PRSS23: variants seen among roughly 807,000 people sequenced by gnomAD.
PRSS23 encodes the protein serine protease 23.
PRSS23 carries 25 observed loss-of-function variants against 34.7 expected under a neutral mutation model. The ratio of observed to expected loss-of-function variants is 0.72; its 90% CI spans 0.53 to 1.01. PRSS23 has a LOEUF of 1.01. Among genes scored for constraint, PRSS23 ranks in the 50% least tolerant of loss-of-function variants. PRSS23 has a pLI of 0.00. For synonymous variants in PRSS23, 176 were observed against 186.6 expected (o/e 0.94, Z 0.46); for missense variants, 445 against 475.6 (o/e 0.94, Z 0.60).
intron 2 of PRSS23, among the ~76,000 whole-genome samples, chr11:86,871,642 A>G (rs1948684904): frequency 6.6e-6 from 1 of 152,144 alleles, no homozygotes; most frequent in African/African-American, 2.4e-5. Flanking sequence ...AAGCCTCACA[A>G]TCGTGTGACT....
chr11:86,812,744 TGCCACTGCACTCCA>T (rs1948187816), downstream of PRSS23, among the ~76,000 whole-genome samples: 2 of 143,906 alleles, frequency 1.4e-5, no homozygotes, highest in South Asian at 4.4e-4. Flanking sequence ...GCCAAAATTA[TGCCACTGCACTCCA>T]GCCTAGGCAA....
At chr11:86,815,539 T>C (rs146118414), downstream of PRSS23, among the ~76,000 whole-genome samples, 4 of 152,334 alleles carry the variant, frequency 2.6e-5, no homozygotes, top group East Asian at 7.7e-4. Flanking sequence ...TCCAAACACA[T>C]CCCAGAATAA....
At chr11:86,908,634 C>T (rs1948958595) in intron 2 of PRSS23, among the ~76,000 whole-genome samples, 2 of 151,956 alleles carry the variant, frequency 1.3e-5, no homozygotes, top group Admixed American at 1.3e-4. Flanking sequence ...ATAGTAATTA[C>T]AGAAACTTTG....
chr11:86,850,373 A>ACTCAG (rs1252631380), intron 2 of PRSS23, among the ~76,000 whole-genome samples: 1 of 151,742 alleles, frequency 6.6e-6, no homozygotes, highest in Non-Finnish European at 1.5e-5. Flanking sequence ...AAGAACCACC[A>ACTCAG]CTCAGCTCCC....
intron 2 of PRSS23, chr11:86,949,152 C>T (rs547098195): frequency 1.3e-5 from 2 of 152,282 alleles, no homozygotes; most frequent in African/African-American, 4.8e-5. Flanking sequence ...CAGGGGCCAC[C>T]TGTGCCCACT....
chr11:86,826,900 T>G (rs1361770087), intron 2 of PRSS23, among the ~76,000 whole-genome samples: 1 of 152,206 alleles, frequency 6.6e-6, no homozygotes, highest in Non-Finnish European at 1.5e-5. Flanking sequence ...TTTGCCAGTA[T>G]TTTATTGAGG....
intron 2 of PRSS23, chr11:86,832,531 T>A: frequency 6.1e-6 from 2 of 328,548 alleles, no homozygotes; most frequent in Admixed American, 3.5e-5. Context: ...GAGATTAAAC[T>A]GTTCTGCCAT....
intron 2 of PRSS23, among the ~76,000 whole-genome samples, chr11:86,899,049 T>C (rs1020840508): frequency 6.6e-6 from 1 of 152,126 alleles, no homozygotes; most frequent in African/African-American, 2.4e-5. Flanking sequence ...CCTGCCACCA[T>C]GTTCATAGGG....
intron 2 of PRSS23, among the ~76,000 whole-genome samples, chr11:86,943,006 A>C (rs1263265567): frequency 6.6e-6 from 1 of 152,248 alleles, no homozygotes; most frequent in Non-Finnish European, 1.5e-5. Context: ...ATTGCATGTG[A>C]AAGCTAAAAT....
At chr11:86,816,653 C>T (rs1395474395) in intron 1 of PRSS23, among the ~76,000 whole-genome samples, 10 of 152,186 alleles carry the variant, frequency 6.6e-5, no homozygotes, top group African/African-American at 2.4e-4. Context: ...CATTCTGGGA[C>T]ATAAGGACAC....
chr11:86,862,810 A>G (rs11234838), intron 2 of PRSS23, among the ~76,000 whole-genome samples: 9,564 of 151,778 alleles, frequency 0.063, 408 homozygotes, highest in African/African-American at 0.11. Flanking sequence ...GATATTATTC[A>G]TAATATCCTA....
intron 2 of PRSS23, chr11:86,947,301 A>G (rs917305443): frequency 1.9e-5 from 3 of 156,476 alleles, no homozygotes; most frequent in Non-Finnish European, 4.2e-5. Context: ...AGCTGTGGTC[A>G]CCTCACCAGA....
chr11:86,794,324 T>C (rs1220701970), intron 1 of PRSS23, among the ~76,000 whole-genome samples: 2 of 152,140 alleles, frequency 1.3e-5, no homozygotes, highest in African/African-American at 4.8e-5. Context: ...CACTTCAAAT[T>C]TGGAGACTTC....
chr11:86,904,750 TA>T (rs1948931394), intron 2 of PRSS23, among the ~76,000 whole-genome samples: 1 of 152,148 alleles, frequency 6.6e-6, no homozygotes, highest in Non-Finnish European at 1.5e-5. Context: ...TGTGTCCCAG[TA>T]AAACTTTACC....
chr11:86,863,778 G>A (rs996851797), intron 2 of PRSS23, among the ~76,000 whole-genome samples: 1 of 137,514 alleles, frequency 7.3e-6, no homozygotes. Context: ...ACTTCCTAAC[G>A]ATTAACAGAT....
At chr11:86,913,104 G>C (rs1948988002) in intron 2 of PRSS23, among the ~76,000 whole-genome samples, 1 of 151,874 alleles carries the variant, frequency 6.6e-6, no homozygotes, top group Non-Finnish European at 1.5e-5. Flanking sequence ...ATAAAATTTT[G>C]GGCTCCCTTT....
At chr11:86,871,895 A>G (rs953164146) in intron 2 of PRSS23, among the ~76,000 whole-genome samples, 2 of 152,222 alleles carry the variant, frequency 1.3e-5, no homozygotes, top group African/African-American at 4.8e-5. Flanking sequence ...AGCTTGCTAT[A>G]TTTCTCTCCA....
At chr11:86,932,888 G>A (rs1296194147) in intron 2 of PRSS23, 3 of 152,204 alleles carry the variant, frequency 2.0e-5, no homozygotes, top group South Asian at 4.1e-4. Context: ...GTTGGTCACT[G>A]TTGTGGCTTC....
intron 2 of PRSS23, among the ~76,000 whole-genome samples, chr11:86,872,269 A>G (rs1948690101): frequency 6.6e-6 from 1 of 152,228 alleles, no homozygotes; most frequent in African/African-American, 2.4e-5. Flanking sequence ...AGAGTGAAAT[A>G]TAATGTATAA....
Sources: gnomAD v4.1 joint callset for allele counts (sites outside exome capture counted in the v4.1 genomes callset) on GRCh38, gnomAD v4.1.1 for gene constraint, MANE v1.5 for transcripts, NCBI Gene and HGNC (gene_info 2026-07-23, HGNC 2026-07-21) for gene names.